PLPPR1: variants seen among roughly 807,000 people sequenced by gnomAD.
The protein encoded by PLPPR1 is phospholipid phosphatase related 1.
Under a neutral mutation model 33.1 loss-of-function variants are expected in PLPPR1, and 10 were observed. That is an observed-to-expected ratio of 0.30 (90% confidence interval 0.19 to 0.51). PLPPR1 has a LOEUF of 0.51. Among genes scored for constraint, PLPPR1 ranks in the 20% least tolerant of loss-of-function variants. The probability of loss-of-function intolerance (pLI) is 0.97; values close to 1 mark genes in which losing one functional copy is unlikely to be tolerated. For missense variants in PLPPR1, 304 were observed against 408.1 expected, an observed-to-expected ratio of 0.74 and a Z score of 2.20; for synonymous variants, 151 against 151.0, an observed-to-expected ratio of 1.00 and a Z score of 0.00.
intron 2 of PLPPR1, among the ~76,000 whole-genome samples, chr9:101,219,759 T>C (rs1286102647): frequency 1.3e-5 from 2 of 152,174 alleles, no homozygotes; most frequent in East Asian, 3.9e-4. Flanking sequence ...CGATCAGTTC[T>C]AATTGGGTAA....
intron 2 of PLPPR1, among the ~76,000 whole-genome samples, chr9:101,213,486 A>G (rs768083996): frequency 5.9e-5 from 9 of 152,200 alleles, no homozygotes; most frequent in Non-Finnish European, 1.0e-4. Context: ...TTGTAAATAC[A>G]TTACCTTTCT....
rs1293408773 is a variant in PLPPR1, at chr9:101,325,004, C to A, written c.*947C>A. On this transcript the variant is annotated 3_prime_UTR_variant, in exon 8 of 8. Coordinates refer to ENST00000374874, the MANE Select transcript of PLPPR1 (RefSeq NM_207299.2). ...GCATGGTGAGAACTAATATGTAACT[C>A]CTTTGATTGAAGGAGCTCTTTTGTC... The A allele has an allele frequency of 6.6e-6, 1 of 152,424 alleles. No individual in the cohort carries two copies. 9.4% of individuals were successfully genotyped at this position (152,424 alleles called of 1,614,324 possible). A position where few individuals can be genotyped will look rare whatever the true frequency, so the allele number is the denominator to read the frequency against.
At chr9:101,102,093 CTTT>C (rs397937393) in intron 1 of PLPPR1, among the ~76,000 whole-genome samples, 2,569 of 71,732 alleles carry the variant, frequency 0.036, 38 homozygotes, top group East Asian at 0.1. Context: ...GTAGGAACAA[CTTT>C]TTTTTTTTTT....
chr9:101,053,558 AG>A (rs1278571543), intron 1 of PLPPR1, among the ~76,000 whole-genome samples: 1 of 152,214 alleles, frequency 6.6e-6, no homozygotes, highest in Non-Finnish European at 1.5e-5. Context: ...ATGCCCTAAC[AG>A]GGTATTCATG....
intron 1 of PLPPR1, among the ~76,000 whole-genome samples, chr9:101,054,735 T>C (rs1374150618): frequency 1.3e-5 from 2 of 152,124 alleles, no homozygotes; most frequent in Non-Finnish European, 2.9e-5. Context: ...AATAAACAAA[T>C]ACATAAATAA....
At chr9:101,213,653 A>G (rs1237138217) in intron 2 of PLPPR1, among the ~76,000 whole-genome samples, 1 of 152,326 alleles carries the variant, frequency 6.6e-6, no homozygotes, top group African/African-American at 2.4e-5. Context: ...GATACTCTTT[A>G]TCAATTCCTA....
chr9:101,298,059 G>T (rs1371864362), intron 4 of PLPPR1, among the ~76,000 whole-genome samples: 1 of 152,144 alleles, frequency 6.6e-6, no homozygotes, highest in Non-Finnish European at 1.5e-5. Flanking sequence ...GACAGCATTA[G>T]AATTTGATGA....
intron 2 of PLPPR1, among the ~76,000 whole-genome samples, chr9:101,189,419 T>C (rs1176985061): frequency 2.0e-5 from 3 of 152,096 alleles, no homozygotes; most frequent in South Asian, 2.1e-4. Flanking sequence ...ATGTTTCTTA[T>C]CACACTTAAA....
intron 2 of PLPPR1, among the ~76,000 whole-genome samples, chr9:101,264,669 G>C (rs552416994): frequency 5.3e-5 from 8 of 152,192 alleles, no homozygotes; most frequent in Non-Finnish European, 1.2e-4. Context: ...GTTGCTGATT[G>C]ACTAGCTTTG....
At chr9:101,110,405 C>T (rs530456191) in intron 1 of PLPPR1, among the ~76,000 whole-genome samples, 13 of 152,258 alleles carry the variant, frequency 8.5e-5, no homozygotes, top group Non-Finnish European at 1.8e-4. Context: ...ATGGAGACAT[C>T]TAGCAAAATT....
chr9:101,159,693 A>G (rs139734266), intron 1 of PLPPR1, among the ~76,000 whole-genome samples: 82 of 152,356 alleles, frequency 5.4e-4, no homozygotes, highest in African/African-American at 1.9e-3. Context: ...ACTGGAGTGC[A>G]AAAGCACAAA....
In PLPPR1 at chr9:101,145,533, C is replaced by G. The variant is rs550033624; in HGVS notation, c.-45-39917C>G. Among the ~76,000 whole-genome samples, 294 of 152,072 alleles carry G rather than the reference C, an allele frequency of 1.9e-3. 2 individuals are homozygous for G. The highest frequency in any genetic ancestry group is 3.4e-3 in the Middle Eastern group (1 of 294). On this transcript the variant is annotated intron_variant, in intron 1 of 7. Transcript: ENST00000374874. The stretch of plus-strand genomic sequence containing the variant: ...AGTAGCTGGGATTCCAAGCACCTGC[C>G]ACCACGCCCAGCTAATTTTTGTGTT...
intron 1 of PLPPR1, among the ~76,000 whole-genome samples, chr9:101,175,192 A>C (rs1182389410): frequency 6.6e-6 from 1 of 152,166 alleles, no homozygotes; most frequent in Non-Finnish European, 1.5e-5. Flanking sequence ...ATCAACTTAG[A>C]CAAGCTATCT....
chr9:101,193,153 A>C (rs891278675), intron 2 of PLPPR1, among the ~76,000 whole-genome samples: 1 of 152,208 alleles, frequency 6.6e-6, no homozygotes, highest in South Asian at 2.1e-4. Flanking sequence ...TAGGACTAAG[A>C]AAATGGGTCT....
At chr9:101,323,651 C>G (rs1336241311) in intron 7 of PLPPR1, among the ~76,000 whole-genome samples, 1 of 151,782 alleles carries the variant, frequency 6.6e-6, no homozygotes, top group African/African-American at 2.4e-5. Context: ...ACCAGCCTGA[C>G]CAACATGGAG....
At chr9:101,133,667 T>C (rs1831343512) in intron 1 of PLPPR1, among the ~76,000 whole-genome samples, 1 of 152,168 alleles carries the variant, frequency 6.6e-6, no homozygotes, top group Non-Finnish European at 1.5e-5. Flanking sequence ...TGTATCATTG[T>C]TGTTCAATGT....
chr9:101,065,825 A>C (rs1830405793), intron 1 of PLPPR1, among the ~76,000 whole-genome samples: 1 of 152,092 alleles, frequency 6.6e-6, no homozygotes, highest in African/African-American at 2.4e-5. Flanking sequence ...CTTAAAAAAA[A>C]CTTTTTATTT....
intron 1 of PLPPR1, among the ~76,000 whole-genome samples, chr9:101,116,869 T>C (rs576378387): frequency 2.2e-4 from 33 of 151,968 alleles, no homozygotes; most frequent in Non-Finnish European, 4.3e-4. Flanking sequence ...TTTTCCTAAA[T>C]TGAGCACTTA....
chr9:101,271,042 G>A (rs1464713520), intron 3 of PLPPR1, among the ~76,000 whole-genome samples: 1 of 152,156 alleles, frequency 6.6e-6, no homozygotes, highest in Admixed American at 6.5e-5. Flanking sequence ...AAATGGAATA[G>A]AATTTTGAAG....
Sources: allele counts gnomAD v4.1 joint callset (sites outside exome capture counted in the v4.1 genomes callset), GRCh38; gene constraint gnomAD v4.1.1; transcripts MANE v1.5; gene names NCBI Gene and HGNC (gene_info 2026-07-23, HGNC 2026-07-21).